CFAP65: variants seen among roughly 807,000 people sequenced by gnomAD.
The protein encoded by CFAP65 is cilia and flagella associated protein 65.
A neutral mutation model predicts 208.0 loss-of-function variants in CFAP65; 155 were observed. The observed-to-expected ratio is 0.75, with a 90% CI of 0.65 to 0.85. CFAP65 has a LOEUF of 0.85. CFAP65 is among the 40% of genes least tolerant of loss of function. The pLI is 0.00. For missense variants in CFAP65, 2,294 were observed against 2,451.3 expected, an observed-to-expected ratio of 0.94 and a Z score of 1.36; for synonymous variants, 970 against 986.3, an observed-to-expected ratio of 0.98 and a Z score of 0.31.
Position 219,009,393 on chromosome 2 carries a change from C to G in CFAP65, c.4520G>C (p.Arg1507Thr). 2.5e-6 allele frequency: 4 copies of G among 1,612,740 alleles called. No homozygotes were observed. Among genetic ancestry groups the G allele is most frequent in the Non-Finnish European group, 3.4e-6 (4 of 1,179,950 alleles). The change falls in exon 28 of 35, where the codon AGG becomes ACG. Residue 1507 changes from arginine to threonine, a missense_variant. Coordinates refer to ENST00000341552, the MANE Select transcript of CFAP65 (RefSeq NM_194302.4). ...EETVPFVVTLRASVHASFYSA... is the reference protein window; with the variant it reads ...EETVPFVVTLTASVHASFYSA... Reference sequence around the variant, plus strand: ...GTAGAAGCTGGCATGCACAGAGGCCCTCAAGGTCACCACAAATGGGACCGT... The same window carrying G: ...GTAGAAGCTGGCATGCACAGAGGCCGTCAAGGTCACCACAAATGGGACCGT...
At chr2:219,026,483 A>G (rs1156576263) in intron 13 of CFAP65, 3 of 235,476 alleles carry the variant, frequency 1.3e-5, no homozygotes, top group Non-Finnish European at 2.4e-5. Flanking sequence ...GTGAGCCACA[A>G]ATGCCAGCCG....
In CFAP65 at chr2:219,011,013, T is replaced by C. The variant is rs1946438671; in HGVS notation, c.3958-17A>G. The C allele has an allele frequency of 1.9e-6, 3 of 1,587,168 alleles. No homozygotes were observed. Among genetic ancestry groups the C allele is most frequent in the African/African-American group, 2.7e-5 (2 of 74,596 alleles). Reference sequence around the variant, plus strand: ...CTCATAAATCTGCAGGGGGCAGGAATAGGAAAATTGCCACATCAGCTCAGC... The same window carrying C: ...CTCATAAATCTGCAGGGGGCAGGAACAGGAAAATTGCCACATCAGCTCAGC... On this transcript the variant is annotated splice_polypyrimidine_tract_variant and intron_variant, in intron 24 of 34. Coordinates refer to ENST00000341552, the MANE Select transcript of CFAP65 (RefSeq NM_194302.4).
At chr2:219,035,081 C>T in intron 5 of CFAP65, 1 of 396,060 alleles carries the variant, frequency 2.5e-6, no homozygotes. Context: ...GCAAGGTCAC[C>T]AATTTAACAA....
chr2:219,009,143 C>T lies in CFAP65; in HGVS notation c.4578G>A (p.Gln1526=), dbSNP rs909300416. ...CCTTGTGATACTGCCTCATGAGCTG[C>T]TGCGAGTACAGCTATGGCCCAGGAC... ...SADLVCKLYS[Q]QLMRQYHKEL... Residue 1526 remains glutamine (Q), a synonymous_variant, in exon 29 of 35, where the codon CAG becomes CAA. Transcript: ENST00000341552. The T allele has an allele frequency of 6.2e-7, 1 of 1,612,568 alleles. No homozygotes were observed. The highest frequency in any genetic ancestry group is 1.3e-5 in the African/African-American group (1 of 74,940).
At chr2:219,040,481 C>A in intron 2 of CFAP65, 38 bp downstream of exon 2, 1 of 1,034,002 alleles carries the variant, frequency 9.7e-7, no homozygotes. Context: ...GTACCAGGTA[C>A]TGTGCTAGGC....
intron 14 of CFAP65, among the ~76,000 whole-genome samples, chr2:219,025,150 T>G (rs931459766): frequency 6.6e-6 from 1 of 152,044 alleles, no homozygotes; most frequent in Non-Finnish European, 1.5e-5. Flanking sequence ...GCCTGTGTGT[T>G]AGCCGGTGAG....
chr2:219,015,137 A>C (rs1194246511), intron 21 of CFAP65: 1 of 149,086 alleles, frequency 6.7e-6, no homozygotes, highest in Admixed American at 6.7e-5. Flanking sequence ...CGCAACACAC[A>C]CCTGAGGAGA....
Position 219,031,085 on chromosome 2 carries a change from C to T in CFAP65, c.1015+21G>A, listed in dbSNP as rs200587810. Reference sequence around the variant, plus strand: ...GGTGCAGGAGGGGCCAGTCTGGGGACGGTGGGAGGTTGGGCCTCACCCACA... The same window carrying T: ...GGTGCAGGAGGGGCCAGTCTGGGGATGGTGGGAGGTTGGGCCTCACCCACA... On this transcript the variant is annotated intron_variant, in intron 8 of 34. Transcript: ENST00000341552. The surrounding 1 kb of genome is among the most constrained non-coding windows in gnomAD (Gnocchi z 5.2). The T allele has an allele frequency of 2.0e-4, 314 of 1,565,624 alleles. No homozygotes were observed. In the East Asian group the frequency reaches 2.2e-3, roughly 11 times the overall value.
intron 29 of CFAP65, among the ~76,000 whole-genome samples, chr2:219,007,471 C>T (rs184446659): frequency 5.3e-5 from 8 of 151,974 alleles, no homozygotes; most frequent in African/African-American, 1.4e-4. Context: ...TGAGCCACCG[C>T]GCCTGGCCTT....
In CFAP65 at chr2:219,010,583, T is replaced by A; in HGVS notation, c.4271A>T (p.Asn1424Ile). The A allele has an allele frequency of 6.2e-7, 1 of 1,611,654 alleles. No homozygotes were observed. Residue 1424 changes from asparagine to isoleucine, a missense_variant, in exon 26 of 35, where the codon AAC (asparagine) becomes ATC (isoleucine). Physicochemically the swap from Asn to Ile is moderately radical, Grantham distance 149. Coordinates refer to ENST00000341552, the MANE Select transcript of CFAP65 (RefSeq NM_194302.4). Reference protein sequence around the residue: ...APFHNISSWDNSSIHSRLVVP... With the variant: ...APFHNISSWDISSIHSRLVVP... ...CACCAGCCTAGAGTGTATGGAACTG[T>A]TGTCCCACGAGGAGATGTTGTGGAA...
At chr2:219,023,606 G>A (rs1947419814) in intron 15 of CFAP65, among the ~76,000 whole-genome samples, 175 bp from the exon 16 acceptor site, 2 of 152,256 alleles carry the variant, frequency 1.3e-5, no homozygotes, top group African/African-American at 4.8e-5. Context: ...AATGGTGACT[G>A]GCCCAGGAGA....
rs1945817483 is a variant in CFAP65 at position 219,004,820 on chromosome 2, G to T, written c.5052-365C>A. 6.8e-6 allele frequency among the ~76,000 whole-genome samples: 1 copy of T among 148,072 alleles called. No homozygotes were observed. Among genetic ancestry groups the T allele is most frequent in the South Asian group, 2.2e-4 (1 of 4,620 alleles). ...TCCATCAGAGCCCCACTGTCCTGGG[G>T]TGGGGGGGCCGGGGGGGGGGACCGT... On this transcript the variant is annotated intron_variant, in intron 32 of 34. Coordinates refer to ENST00000341552, the MANE Select transcript of CFAP65 (RefSeq NM_194302.4). This position sits in a 1 kb window ranked among gnomAD's most constrained non-coding sequence, Gnocchi z 4.7.
At chr2:219,026,220 C>G in intron 13 of CFAP65, 61 bp from the exon 14 acceptor site, 1 of 1,560,370 alleles carries the variant, frequency 6.4e-7, no homozygotes, top group Admixed American at 1.8e-5. Flanking sequence ...GTGGGGCACC[C>G]CATTTTGCCC....
In CFAP65 at chr2:219,032,327, CG is replaced by C; in HGVS notation, c.645+142del. On this transcript the variant is annotated intron_variant, in intron 6 of 34. Coordinates refer to ENST00000341552, the MANE Select transcript of CFAP65 (RefSeq NM_194302.4). The surrounding 1 kb of genome is among the most constrained non-coding windows in gnomAD (Gnocchi z 5.5). Reference sequence around the variant, plus strand: ...ATGAGATGAGGGGCTAAGCCCTTGACGGGGCCTCCCAAGCTGGATTGCTGCT... The same window carrying C: ...ATGAGATGAGGGGCTAAGCCCTTGACGGGCCTCCCAAGCTGGATTGCTGCT... The C allele has an allele frequency of 3.1e-6, 2 of 648,568 alleles. No homozygotes were observed. Among genetic ancestry groups the C allele is most frequent in the Non-Finnish European group, 2.6e-6 (1 of 381,896 alleles). The allele number at this position is 648,568 out of a possible 1,614,324, so 40.2% of individuals were successfully genotyped here. A position where few individuals can be genotyped will look rare whatever the true frequency, so the allele number is the denominator to read the frequency against.
rs1027864165 is a variant in CFAP65, at chr2:219,002,924, T to G, written c.*13A>C. On this transcript the variant is annotated 3_prime_UTR_variant, in exon 35 of 35. Transcript: ENST00000341552. This position sits in a 1 kb window ranked among gnomAD's most constrained non-coding sequence, Gnocchi z 7.9. ...ACCCCTAGCGGCATGTCGGAGAGGC[T>G]GGGCGCGGGCATTTACGGAAGGTCG... is the stretch of plus-strand genomic sequence containing the variant. 22 of 1,561,310 alleles carry G rather than the reference T, an allele frequency of 1.4e-5. No homozygotes were observed. The highest frequency in any genetic ancestry group is 1.8e-5 in the Non-Finnish European group (21 of 1,151,662).
rs118008649 is a variant in CFAP65, at chr2:219,018,640, G to A, written c.3602+411C>T. On this transcript the variant is annotated intron_variant, in intron 21 of 34. Transcript: ENST00000341552. ...GTCCATTCATGGCTGAATGGTCTTC[G>A]CTGAGTCCTTAACCTTGCTGACCCT... 4.2e-4 allele frequency: 85 copies of A among 200,548 alleles called. 1 individual carries two copies. The East Asian group carries it at 9.7e-3, about 23-fold the overall frequency. 12.4% of individuals were successfully genotyped at this position (200,548 alleles called of 1,614,324 possible).
In CFAP65 at chr2:219,021,718, C is replaced by T. The variant is rs368330994; in HGVS notation, c.3130+62G>A. On this transcript the variant is annotated intron_variant, in intron 18 of 34. Coordinates refer to ENST00000341552, the MANE Select transcript of CFAP65 (RefSeq NM_194302.4). The stretch of plus-strand genomic sequence containing the variant: ...GTGCCAGTGTGCCCAGCAGGTTAAC[C>T]GGTCTTAACCAGTACCTCCTCCCAC... The T allele has an allele frequency of 8.9e-4, 1,387 of 1,564,166 alleles. 4 individuals carry two copies. Among genetic ancestry groups the T allele is most frequent in the Non-Finnish European group, 1.1e-3 (1,239 of 1,148,408 alleles).
intron 16 of CFAP65, 28 bp from the exon 17 acceptor site, chr2:219,022,357 T>C: frequency 6.4e-7 from 1 of 1,573,894 alleles, no homozygotes; most frequent in African/African-American, 1.3e-5. Context: ...ATCCCTGCAG[T>C]GGCCTTCGGA....
intron 30 of CFAP65, 65 bp from the exon 31 acceptor site, chr2:219,006,288 C>T: frequency 1.3e-6 from 2 of 1,532,610 alleles, no homozygotes; most frequent in Non-Finnish European, 1.8e-6. Context: ...CCAATGGGGT[C>T]CCTTGACCTA....
Sources: allele counts gnomAD v4.1 joint callset (sites outside exome capture counted in the v4.1 genomes callset), GRCh38; gene constraint gnomAD v4.1.1; non-coding constraint Gnocchi (gnomAD v3.1); transcripts MANE v1.5; gene names NCBI Gene and HGNC (gene_info 2026-07-23, HGNC 2026-07-21).